The following HMGB1 variants were observed in gnomAD, a reference collection of about 807,000 sequenced individuals.
HMGB1 encodes the protein high mobility group protein B1.
For missense variants in HMGB1, 79 were observed against 253.5 expected (o/e 0.31, Z 4.67); for synonymous variants, 81 against 84.0 (o/e 0.96, Z 0.19).
rs768430647 is a variant in HMGB1 at position 30,462,598 on chromosome 13, A to G, written c.411T>C (p.Ala137=). ...KKLGEMWNNT[A]ADDKQPYEKK... is the part of the protein sequence containing the mutation. Reference sequence around the variant, plus strand: ...TTTCATAAGGCTGCTTGTCATCTGCAGCAGTGTTATTCCACATCTCTCCCA... The same window carrying G: ...TTTCATAAGGCTGCTTGTCATCTGCGGCAGTGTTATTCCACATCTCTCCCA... The change falls in exon 4 of 5, where the codon GCT becomes GCC. Residue 137 remains alanine (A), a synonymous_variant. Coordinates refer to ENST00000341423, the MANE Select transcript of HMGB1 (RefSeq NM_002128.7). The G allele has an allele frequency of 1.2e-6, 2 of 1,610,792 alleles. No homozygotes were observed. Among genetic ancestry groups the G allele is most frequent in the Middle Eastern group, 1.7e-4 (1 of 6,052 alleles).
At chr13:30,589,388 G>A (rs756899389) in intron 1 of HMGB1, among the ~76,000 whole-genome samples, 23 of 152,296 alleles carry the variant, frequency 1.5e-4, no homozygotes, top group Middle Eastern at 3.4e-3. Flanking sequence ...AAGTGGAGGG[G>A]CTAGAATTCA....
At chr13:30,578,023 T>A (rs1870733585) in intron 1 of HMGB1, among the ~76,000 whole-genome samples, 1 of 152,066 alleles carries the variant, frequency 6.6e-6, no homozygotes, top group Non-Finnish European at 1.5e-5. Flanking sequence ...CTCCTTCGTG[T>A]CACTCCTCAT....
chr13:30,508,101 T>C (rs1455830049), intron 1 of HMGB1, among the ~76,000 whole-genome samples: 1 of 152,222 alleles, frequency 6.6e-6, no homozygotes, highest in Non-Finnish European at 1.5e-5. Flanking sequence ...AATTAAAAAC[T>C]GAGTATAAAT....
chr13:30,559,484 T>C lies in HMGB1; in HGVS notation c.-15+57187A>G, dbSNP rs1869853944. On this transcript the variant is annotated intron_variant, in intron 1 of 4. Coordinates refer to the HMGB1 transcript ENST00000405805. This position sits in a 1 kb window ranked among gnomAD's most constrained non-coding sequence, Gnocchi z 6.6. ...GGAAGCCAGACTCAAACCAACTGTG[T>C]ACTCTGTCCACACCTCTTCAGCAAT... 6.6e-6 allele frequency among the ~76,000 whole-genome samples: 1 copy of C among 152,228 alleles called. No homozygotes were observed. Among genetic ancestry groups the C allele is most frequent in the Non-Finnish European group, 1.5e-5 (1 of 68,026 alleles).
At chr13:30,510,261 G>A (rs1257115623) in intron 1 of HMGB1, among the ~76,000 whole-genome samples, 9 of 149,464 alleles carry the variant, frequency 6.0e-5, no homozygotes, top group Non-Finnish European at 1.0e-4. Flanking sequence ...GTGAGTGGGG[G>A]TAGGCATCTT....
At chr13:30,593,396 A>C (rs1871453841) in intron 1 of HMGB1, among the ~76,000 whole-genome samples, 2 of 152,246 alleles carry the variant, frequency 1.3e-5, no homozygotes, top group South Asian at 4.1e-4. Flanking sequence ...TAAATTTAGC[A>C]GAAGTTGAAA....
chr13:30,566,510 A>G (rs2137530063), intron 1 of HMGB1, among the ~76,000 whole-genome samples: 1 of 152,354 alleles, frequency 6.6e-6, no homozygotes, highest in South Asian at 2.1e-4. Flanking sequence ...TTCATGTGTC[A>G]TGAAATATTC....
At chr13:30,582,385 T>C (rs2137543783) in intron 1 of HMGB1, among the ~76,000 whole-genome samples, 1 of 152,302 alleles carries the variant, frequency 6.6e-6, no homozygotes, top group Non-Finnish European at 1.5e-5. Context: ...ATGCCTGTAA[T>C]CCCAGCACTT....
In HMGB1 at chr13:30,588,926, G is replaced by A. The variant is rs117507591; in HGVS notation, c.-15+27745C>T. 1.3e-4 allele frequency among the ~76,000 whole-genome samples: 20 copies of A among 151,730 alleles called. No individual in the cohort carries two copies. The East Asian group carries it at 3.7e-3, about 28-fold the overall frequency. On this transcript the variant is annotated intron_variant, in intron 1 of 4. Coordinates refer to the HMGB1 transcript ENST00000405805. ...AGCAAGCCTCTGTTTAAAAAAAAAC[G>A]GTAAAAATAAATAACATTTACTATT...
chr13:30,522,676 G>C (rs7333411), intron 1 of HMGB1, among the ~76,000 whole-genome samples: 118,261 of 151,692 alleles, frequency 0.78, 46,708 homozygotes, highest in Non-Finnish European at 0.84. Flanking sequence ...TAAGATGGAT[G>C]TGATATTGGG....
At chr13:30,570,079 G>A (rs1870363993) in intron 1 of HMGB1, among the ~76,000 whole-genome samples, 1 of 152,208 alleles carries the variant, frequency 6.6e-6, no homozygotes, top group South Asian at 2.1e-4. Flanking sequence ...CTTTGTAAGT[G>A]AAGGACAGCA....
At chr13:30,503,632 G>A (rs940506972) in intron 1 of HMGB1, among the ~76,000 whole-genome samples, 2 of 145,138 alleles carry the variant, frequency 1.4e-5, no homozygotes, top group Admixed American at 7.2e-5. Flanking sequence ...TAGGGTCACC[G>A]ATCCTACTCA....
At chr13:30,509,779 T>C (rs993382587) in intron 1 of HMGB1, among the ~76,000 whole-genome samples, 5 of 152,192 alleles carry the variant, frequency 3.3e-5, no homozygotes, top group African/African-American at 9.7e-5. Flanking sequence ...TCAAGGTCCA[T>C]GCATATTCAC....
upstream of HMGB1, among the ~76,000 whole-genome samples, chr13:30,470,267 G>A (rs1325801137): frequency 6.6e-6 from 1 of 152,204 alleles, no homozygotes; most frequent in African/African-American, 2.4e-5. Context: ...TTGCATAAAT[G>A]AATTAATAGC....
At chr13:30,461,604 G>C in intron 4 of HMGB1, 71 bp from the exon 5 acceptor site, 1 of 1,572,360 alleles carries the variant, frequency 6.4e-7, no homozygotes, top group Admixed American at 1.9e-5. Flanking sequence ...GAACATGGCA[G>C]AACTTTATGA....
intron 1 of HMGB1, among the ~76,000 whole-genome samples, chr13:30,602,572 A>T (rs1950413636): frequency 6.6e-6 from 1 of 152,244 alleles, no homozygotes; most frequent in Non-Finnish European, 1.5e-5. Context: ...TCCAACTTTG[A>T]AAAACTGATT....
intron 1 of HMGB1, among the ~76,000 whole-genome samples, chr13:30,488,892 A>C (rs2137438680): frequency 6.6e-6 from 1 of 152,082 alleles, no homozygotes; most frequent in Admixed American, 6.6e-5. Context: ...ACACACATAC[A>C]GAAATGCATA....
At chr13:30,513,599 G>T (rs1345783571) in intron 1 of HMGB1, among the ~76,000 whole-genome samples, 1 of 152,326 alleles carries the variant, frequency 6.6e-6, no homozygotes, top group East Asian at 1.9e-4. Context: ...CTTCTCTGCT[G>T]AGCCTCAGGC....
intron 1 of HMGB1, among the ~76,000 whole-genome samples, chr13:30,511,998 C>T (rs1272226199): frequency 6.6e-6 from 1 of 152,094 alleles, no homozygotes; most frequent in African/African-American, 2.4e-5. Flanking sequence ...CTGAGATGCA[C>T]CTGATTAAAT....
Sources: gnomAD v4.1 joint callset for allele counts (sites outside exome capture counted in the v4.1 genomes callset) on GRCh38, gnomAD v4.1.1 for gene constraint, Gnocchi (gnomAD v3.1) non-coding constraint, MANE v1.5 for transcripts, NCBI Gene and HGNC (gene_info 2026-07-23, HGNC 2026-07-21) for gene names.